Variants in PIGK observed in about 807,000 individuals in gnomAD.
PIGK encodes the protein phosphatidylinositol glycan anchor biosynthesis class K.
In PIGK, 42 loss-of-function variants were observed where a neutral mutation model predicts 50.6. The ratio of observed to expected loss-of-function variants is 0.83; its 90% CI spans 0.65 to 1.07. PIGK has a LOEUF of 1.07. Among genes scored for constraint, PIGK ranks in the 50% least tolerant of loss-of-function variants. The pLI is 0.00. For synonymous variants in PIGK, 151 were observed against 156.0 expected (o/e 0.97, Z 0.24); for missense variants, 448 against 488.7 (o/e 0.92, Z 0.78).
chr1:77,160,232 T>C (rs1246639411), intron 8 of PIGK, among the ~76,000 whole-genome samples: 2 of 152,212 alleles, frequency 1.3e-5, no homozygotes, highest in African/African-American at 4.8e-5. Context: ...CTGCCATGAT[T>C]ATGAAGCCTC....
intron 3 of PIGK, among the ~76,000 whole-genome samples, chr1:77,183,267 T>C (rs1655663035): frequency 6.6e-6 from 1 of 152,164 alleles, no homozygotes; most frequent in South Asian, 2.1e-4. Context: ...TGATGAACCT[T>C]TTCTGCCAGA....
At chr1:77,151,585 C>T (rs1437655239) in intron 9 of PIGK, among the ~76,000 whole-genome samples, 1 of 151,968 alleles carries the variant, frequency 6.6e-6, no homozygotes, top group East Asian at 1.9e-4. Context: ...CATGATCTTA[C>T]ACTTAAAAAA....
intron 10 of PIGK, among the ~76,000 whole-genome samples, chr1:77,116,678 T>C (rs1463538191): frequency 1.3e-5 from 2 of 151,530 alleles, no homozygotes; most frequent in Non-Finnish European, 2.9e-5. Flanking sequence ...ACAGAAATAA[T>C]AGTCATCAGG....
intron 3 of PIGK, among the ~76,000 whole-genome samples, chr1:77,177,817 A>T (rs962926840): frequency 1.3e-5 from 2 of 152,112 alleles, no homozygotes; most frequent in Non-Finnish European, 2.9e-5. Context: ...ACTGCAACAA[A>T]ACTTTGGAAC....
At chr1:77,174,543 G>A (rs1452797850) in intron 3 of PIGK, among the ~76,000 whole-genome samples, 1 of 152,134 alleles carries the variant, frequency 6.6e-6, no homozygotes, top group East Asian at 1.9e-4. Flanking sequence ...GTAATAATCA[G>A]GTAGGAAATA....
At chr1:77,097,865 A>G (rs1386704176) in intron 10 of PIGK, among the ~76,000 whole-genome samples, 1 of 152,188 alleles carries the variant, frequency 6.6e-6, no homozygotes, top group African/African-American at 2.4e-5. Context: ...AAAAAATGTC[A>G]TTCACAATAA....
chr1:77,210,691 T>C (rs1656398434), intron 1 of PIGK, among the ~76,000 whole-genome samples: 1 of 152,072 alleles, frequency 6.6e-6, no homozygotes, highest in Admixed American at 6.5e-5. Flanking sequence ...AGGACAAAAG[T>C]CCTGAACTGG....
chr1:77,181,510 T>C (rs2100569331), intron 3 of PIGK, among the ~76,000 whole-genome samples: 1 of 152,302 alleles, frequency 6.6e-6, no homozygotes, highest in South Asian at 2.1e-4. Flanking sequence ...TATAATAATA[T>C]ATAATGTTTT....
intron 3 of PIGK, among the ~76,000 whole-genome samples, chr1:77,176,110 AG>A (rs1376235591): frequency 6.6e-6 from 1 of 152,170 alleles, no homozygotes; most frequent in Non-Finnish European, 1.5e-5. Flanking sequence ...AATGAGTAAA[AG>A]GTTTTTGCCT....
At position 77,162,473 on chromosome 1, in the gene PIGK, A is replaced by C. The variant is rs185001558; in HGVS notation, c.585-762T>G. Among the ~76,000 whole-genome samples, 158 of 152,304 alleles carry C rather than the reference A, an allele frequency of 1.0e-3. 1 individual carries two copies. Among genetic ancestry groups the C allele is most frequent in the African/African-American group, 3.6e-3 (149 of 41,588 alleles). The stretch of plus-strand genomic sequence containing the variant: ...GGAGAATGGAGGGAAATTGGTTTCA[A>C]AAAGGTAGAATAGGTTCAATTTGTA... On this transcript the variant is annotated intron_variant, in intron 6 of 10. Transcript: ENST00000370812.
intron 9 of PIGK, among the ~76,000 whole-genome samples, chr1:77,144,542 A>G (rs1326723631): frequency 6.6e-6 from 1 of 151,854 alleles, no homozygotes; most frequent in African/African-American, 2.4e-5. Context: ...TAGTAAACAT[A>G]TTTGCCAATT....
At chr1:77,116,154 G>A (rs1653956376) in intron 10 of PIGK, among the ~76,000 whole-genome samples, 1 of 151,982 alleles carries the variant, frequency 6.6e-6, no homozygotes, top group African/African-American at 2.4e-5. Flanking sequence ...GACTCATAAT[G>A]GTGACTCCCA....
At chr1:77,191,567 A>G (rs1655904609) in intron 3 of PIGK, among the ~76,000 whole-genome samples, 1 of 152,246 alleles carries the variant, frequency 6.6e-6, no homozygotes, top group Non-Finnish European at 1.5e-5. Context: ...AAACATCACT[A>G]ATATGCCTTT....
intron 9 of PIGK, among the ~76,000 whole-genome samples, chr1:77,146,536 A>G (rs1654772906): frequency 6.6e-6 from 1 of 152,008 alleles, no homozygotes; most frequent in African/African-American, 2.4e-5. Context: ...TGGCTCACAC[A>G]TGTAATCCCA....
chr1:77,149,895 T>A (rs892603358), intron 9 of PIGK, among the ~76,000 whole-genome samples: 1 of 151,944 alleles, frequency 6.6e-6, no homozygotes, highest in Admixed American at 6.6e-5. Flanking sequence ...ATTTCAAGTA[T>A]CTTTTTCTGA....
intron 3 of PIGK, among the ~76,000 whole-genome samples, chr1:77,200,509 G>C (rs17100026): frequency 0.037 from 5,655 of 151,980 alleles, 208 homozygotes; most frequent in South Asian, 0.21. Context: ...AATATCTATA[G>C]ACTGTCATAA....
rs542355648 is a variant in PIGK, at chr1:77,132,752, CTCTG to C, written c.987-10397_987-10394del. Reference sequence around the variant, plus strand: ...ATTTCAAGTGCATTGGCAACAAATTCTCTGTCTGAAAAACATTTTGATTTCATCT... The same window carrying C: ...ATTTCAAGTGCATTGGCAACAAATTCTCTGAAAAACATTTTGATTTCATCT... On this transcript the variant is annotated intron_variant, in intron 9 of 10. Coordinates refer to ENST00000370812, the MANE Select transcript of PIGK (RefSeq NM_005482.3). 2.4e-3 allele frequency among the ~76,000 whole-genome samples: 357 copies of C among 150,686 alleles called. 4 individuals carry two copies. The highest frequency in any genetic ancestry group is 3.6e-3 in the Middle Eastern group (1 of 278).
At chr1:77,144,085 C>T (rs1456242373) in intron 9 of PIGK, among the ~76,000 whole-genome samples, 1 of 152,080 alleles carries the variant, frequency 6.6e-6, no homozygotes, top group East Asian at 1.9e-4. Flanking sequence ...AGCTAGTAAA[C>T]GGCAGAGGAT....
At chr1:77,198,261 C>T (rs1656080127) in intron 3 of PIGK, among the ~76,000 whole-genome samples, 1 of 151,958 alleles carries the variant, frequency 6.6e-6, no homozygotes, top group South Asian at 2.1e-4. Flanking sequence ...AATATAATCT[C>T]AATACCCAAT....
Sources: gnomAD v4.1 joint callset for allele counts (sites outside exome capture counted in the v4.1 genomes callset) on GRCh38, gnomAD v4.1.1 for gene constraint, MANE v1.5 for transcripts, NCBI Gene and HGNC (gene_info 2026-07-23, HGNC 2026-07-21) for gene names.